Variants in PAICS observed in about 807,000 individuals in gnomAD.
PAICS encodes the protein phosphoribosylaminoimidazole carboxylase and phosphoribosylaminoimidazolesuccinocarboxamide synthase.
Under a neutral mutation model 53.7 loss-of-function variants are expected in PAICS, and 33 were observed. The observed-to-expected ratio is 0.61, with a 90% CI of 0.47 to 0.82. PAICS has a LOEUF of 0.82. Among genes scored for constraint, PAICS ranks in the 40% least tolerant of loss-of-function variants. The pLI, the probability that PAICS is intolerant of heterozygous loss-of-function variation, is 0.00. For synonymous variants in PAICS, 141 were observed against 167.2 expected, an observed-to-expected ratio of 0.84 and a Z score of 1.21; for missense variants, 394 against 494.1, an observed-to-expected ratio of 0.80 and a Z score of 1.92.
chr4:56,428,903 G>A, the PAICS span: 1 of 605,348 alleles, frequency 1.7e-6, no homozygotes, highest in Non-Finnish European at 2.1e-6. Flanking sequence ...TTCAAATGAT[G>A]TCACATAATG....
At chr4:56,442,999 G>A (rs1718416079) in intron 2 of PAICS, among the ~76,000 whole-genome samples, 1 of 152,130 alleles carries the variant, frequency 6.6e-6, no homozygotes, top group Non-Finnish European at 1.5e-5. Flanking sequence ...CTGTGAAAGT[G>A]AGTGTATTGC....
the PAICS span, among the ~76,000 whole-genome samples, chr4:56,430,085 A>AC: frequency 2.3e-4 from 35 of 151,948 alleles, no homozygotes; most frequent in South Asian, 6.2e-4. Flanking sequence ...ACATAGTGAA[A>AC]CCCCCCATCT....
In PAICS at chr4:56,463,869, G is replaced by A. The variant is rs553242070; in HGVS notation, c.*4331G>A. On this transcript the variant is annotated 3_prime_UTR_variant, in exon 9 of 9. Transcript: ENST00000512576. The stretch of plus-strand genomic sequence containing the variant: ...TAGGTACATCTGTGATGGTGTTTCT[G>A]GAAGAGACTAGCACTTGAATCAGTA... 2 of 152,266 alleles carry A rather than the reference G, an allele frequency of 1.3e-5. No homozygotes were observed. The highest frequency in any genetic ancestry group is 2.1e-4 in the South Asian group (1 of 4,820). 9.4% of individuals were successfully genotyped at this position (152,266 alleles called of 1,614,324 possible).
chr4:56,438,371 T>A (rs866625858), intron 1 of PAICS, among the ~76,000 whole-genome samples: 7 of 113,668 alleles, frequency 6.2e-5, no homozygotes, highest in Non-Finnish European at 9.7e-5. Context: ...TGCAATGTGT[T>A]TATATATATA....
chr4:56,426,293 T>A, the PAICS span, among the ~76,000 whole-genome samples: 1 of 151,846 alleles, frequency 6.6e-6, no homozygotes, highest in Non-Finnish European at 1.5e-5. Context: ...TCTCAGCTAC[T>A]CGGGAGGCTG....
At chr4:56,435,996 T>A (rs1387860009), upstream of PAICS, 41 of 1,521,160 alleles carry the variant, frequency 2.7e-5, no homozygotes, top group Non-Finnish European at 3.5e-5. Context: ...TTCCGCAGAG[T>A]GGGGAGGGGC....
chr4:56,448,912 G>A, intron 5 of PAICS, 89 bp downstream of exon 5: 1 of 700,872 alleles, frequency 1.4e-6, no homozygotes, highest in Non-Finnish European at 2.5e-6. Flanking sequence ...GCAAATTATT[G>A]TTCCTAATGA....
rs1386072629 is a variant in PAICS, at chr4:56,454,480, C to A, written c.1111+719C>A. Among the ~76,000 whole-genome samples the A allele has an allele frequency of 2.0e-5, 3 of 152,260 alleles. No individual in the cohort carries two copies. In the South Asian group the frequency reaches 6.2e-4, roughly 32 times the overall value. ...ATACCATATTCACACCTAAGAAAGA[C>A]TAGTGGTAGTTTCTTAAGGTATAAT... is the stretch of plus-strand genomic sequence containing the variant. On this transcript the variant is annotated intron_variant, in intron 8 of 8. Coordinates refer to ENST00000512576, the MANE Select transcript of PAICS (RefSeq NM_001079524.2).
At chr4:56,423,458 A>G in the PAICS span, 1 of 152,150 alleles carries the variant, frequency 6.6e-6, no homozygotes, top group African/African-American at 2.4e-5. Flanking sequence ...ACCCATCTCT[A>G]AAAATAAAAA....
chr4:56,417,835 G>GTTTTTT, the PAICS span, among the ~76,000 whole-genome samples: 527 of 102,406 alleles, frequency 5.1e-3, 16 homozygotes, highest in African/African-American at 0.017. Context: ...TGAAGATTTG[G>GTTTTTT]TTTTTTGTTT....
At chr4:56,434,794 T>C (rs895166168), upstream of PAICS, among the ~76,000 whole-genome samples, 7 of 152,234 alleles carry the variant, frequency 4.6e-5, no homozygotes, top group Non-Finnish European at 7.3e-5. Context: ...TAGTCATCTT[T>C]CCCTGGGTCT....
At chr4:56,416,286 A>T in the PAICS span, 3 of 178,578 alleles carry the variant, frequency 1.7e-5, no homozygotes, top group South Asian at 5.7e-4. Context: ...ATATGACCAC[A>T]TTTAGCTAAA....
chr4:56,427,082 T>G, the PAICS span, among the ~76,000 whole-genome samples: 3 of 152,366 alleles, frequency 2.0e-5, no homozygotes, highest in East Asian at 5.8e-4. Flanking sequence ...ATTTCCTTCA[T>G]TTTAATATTC....
At chr4:56,443,445 C>T (rs1236830937) in intron 2 of PAICS, among the ~76,000 whole-genome samples, 1 of 151,742 alleles carries the variant, frequency 6.6e-6, no homozygotes, top group Non-Finnish European at 1.5e-5. Flanking sequence ...GCATTGGCCT[C>T]CCAAAGTGCT....
intron 1 of PAICS, among the ~76,000 whole-genome samples, chr4:56,440,629 C>T (rs6830518): frequency 0.3 from 46,240 of 152,080 alleles, 7,542 homozygotes; most frequent in East Asian, 0.47. Context: ...GGCTAAATTT[C>T]GATGATTCTT....
At chr4:56,453,315 A>G (rs932163832) in intron 7 of PAICS, among the ~76,000 whole-genome samples, 3 of 152,152 alleles carry the variant, frequency 2.0e-5, no homozygotes, top group East Asian at 1.9e-4. Flanking sequence ...GAAGAGGCCT[A>G]TGAGCTATTC....
chr4:56,419,815 T>G, the PAICS span: 15 of 984,648 alleles, frequency 1.5e-5, no homozygotes, highest in East Asian at 1.2e-3. Flanking sequence ...CTTCAGAAAT[T>G]TGGAATAGAC....
intron 5 of PAICS, among the ~76,000 whole-genome samples, chr4:56,450,191 G>A (rs1718835415): frequency 6.6e-6 from 1 of 152,102 alleles, no homozygotes; most frequent in South Asian, 2.1e-4. Flanking sequence ...AGCAAGGGGA[G>A]GGAGAGCATT....
chr4:56,417,734 C>A, the PAICS span, among the ~76,000 whole-genome samples: 1 of 152,072 alleles, frequency 6.6e-6, no homozygotes, highest in Admixed American at 6.5e-5. Flanking sequence ...CTGCAGTGAG[C>A]CATGACTGTG....
Sources: allele counts gnomAD v4.1 joint callset (sites outside exome capture counted in the v4.1 genomes callset), GRCh38; gene constraint gnomAD v4.1.1; transcripts MANE v1.5; gene names NCBI Gene and HGNC (gene_info 2026-07-23, HGNC 2026-07-21).